ESRRG: variants seen among roughly 807,000 people sequenced by gnomAD.
ESRRG encodes estrogen related receptor gamma, also known as estrogen-related receptor gamma.
ESRRG carries 13 observed loss-of-function variants against 44.0 expected under a neutral mutation model. That is an observed-to-expected ratio of 0.30 (90% CI 0.19 to 0.47). The LOEUF is 0.47. Among genes scored for constraint, ESRRG ranks in the 20% least tolerant of loss-of-function variants. The pLI is 1.00. For synonymous variants in ESRRG, 215 were observed against 214.6 expected, an observed-to-expected ratio of 1.00 and a Z score of -0.02; for missense variants, 395 against 580.6, an observed-to-expected ratio of 0.68 and a Z score of 3.29.
chr1:217,063,690 G>A (rs183789942), intron 1 of ESRRG, among the ~76,000 whole-genome samples: 110 of 152,218 alleles, frequency 7.2e-4, no homozygotes, highest in Non-Finnish European at 1.3e-3. Flanking sequence ...GTGGGAAGAG[G>A]GACCAGCTGA....
At chr1:216,949,107 T>G (rs11117734) in intron 1 of ESRRG, among the ~76,000 whole-genome samples, 103,923 of 151,944 alleles carry the variant, frequency 0.68, 37,576 homozygotes, top group Middle Eastern at 0.82. Flanking sequence ...GCTCTAGAAT[T>G]TATTATGTTT....
intron 2 of ESRRG, among the ~76,000 whole-genome samples, chr1:216,769,788 A>T (rs1040794263): frequency 6.6e-6 from 1 of 152,150 alleles, no homozygotes; most frequent in Non-Finnish European, 1.5e-5. Context: ...TAAACATTGA[A>T]TTTGAAATGC....
chr1:217,010,560 T>A (rs944435229), intron 1 of ESRRG, among the ~76,000 whole-genome samples: 1 of 152,188 alleles, frequency 6.6e-6, no homozygotes, highest in African/African-American at 2.4e-5. Context: ...TCTGTTCAAA[T>A]GAATTCTCCC....
intron 1 of ESRRG, among the ~76,000 whole-genome samples, chr1:217,029,392 C>G (rs1251499220): frequency 2.0e-5 from 3 of 152,176 alleles, no homozygotes; most frequent in Non-Finnish European, 2.9e-5. Flanking sequence ...ACTGAGCAGG[C>G]CCACGGCTGC....
At chr1:216,927,225 C>T (rs2062713399) in intron 2 of ESRRG, among the ~76,000 whole-genome samples, 1 of 152,236 alleles carries the variant, frequency 6.6e-6, no homozygotes, top group African/African-American at 2.4e-5. Flanking sequence ...CTCGATTTTT[C>T]TCTTTTGTAG....
At chr1:216,558,755 C>T (rs2058092463) in intron 5 of ESRRG, among the ~76,000 whole-genome samples, 1 of 152,114 alleles carries the variant, frequency 6.6e-6, no homozygotes, top group Non-Finnish European at 1.5e-5. Context: ...CTTTCAGAAT[C>T]ATTCGACCCT....
chr1:217,117,817 G>C (rs1017123295), intron 1 of ESRRG, among the ~76,000 whole-genome samples: 2 of 151,782 alleles, frequency 1.3e-5, no homozygotes, highest in Non-Finnish European at 2.9e-5. Context: ...AATATTTTTC[G>C]ATACTGTCAT....
chr1:216,788,117 C>G (rs559927740), intron 2 of ESRRG, among the ~76,000 whole-genome samples: 1 of 152,268 alleles, frequency 6.6e-6, no homozygotes, highest in Admixed American at 6.5e-5. Flanking sequence ...GAAGCTGCAG[C>G]AATTTATCCA....
At chr1:216,971,588 G>A (rs1035440817) in intron 1 of ESRRG, among the ~76,000 whole-genome samples, 7 of 152,048 alleles carry the variant, frequency 4.6e-5, no homozygotes, top group Non-Finnish European at 1.0e-4. Flanking sequence ...TCTGTGATTT[G>A]GCACCAGTCA....
chr1:216,652,577 A>G (rs989250125), intron 2 of ESRRG, among the ~76,000 whole-genome samples: 2 of 152,204 alleles, frequency 1.3e-5, no homozygotes, highest in African/African-American at 4.8e-5. Context: ...AATAAAAGCA[A>G]CAACTTTTTA....
chr1:216,983,031 G>GTT (rs9308379), intron 1 of ESRRG, among the ~76,000 whole-genome samples: 19,561 of 132,480 alleles, frequency 0.15, 1,791 homozygotes, highest in Admixed American at 0.26. Flanking sequence ...ACTTTGAACT[G>GTT]TTTTTTTTTT....
intron 1 of ESRRG, among the ~76,000 whole-genome samples, chr1:216,940,727 A>G (rs1455569492): frequency 1.3e-5 from 2 of 152,160 alleles, no homozygotes; most frequent in African/African-American, 2.4e-5. Flanking sequence ...AAATCTATTC[A>G]CTAAAGACAC....
At position 217,051,201 on chromosome 1, in the gene ESRRG, G is replaced by GGGC. The variant is rs1422843171; in HGVS notation, c.-106+38303_-106+38305dup. Among the ~76,000 whole-genome samples, 340 of 114,850 alleles carry GGGC rather than the reference G, an allele frequency of 3.0e-3. 10 individuals carry two copies. The highest frequency in any genetic ancestry group is 9.3e-3 in the African/African-American group (305 of 32,666). The allele number at this position is 114,850 out of a possible 152,430, so 75.3% of individuals were successfully genotyped here. On this transcript the variant is annotated intron_variant, in intron 1 of 7. Transcript: ENST00000359162. ...TAAGAGCAGAAGGAGTGGATAATGGGGGCGGGGGGGGGGGGTGCCAGGGGA... is the reference window on the plus strand; with the variant it reads ...TAAGAGCAGAAGGAGTGGATAATGGGGGCGGCGGGGGGGGGGGGTGCCAGGGGA...
intron 1 of ESRRG, among the ~76,000 whole-genome samples, chr1:216,721,784 C>T (rs2086348491): frequency 6.6e-6 from 1 of 152,138 alleles, no homozygotes; most frequent in Non-Finnish European, 1.5e-5. Context: ...TTCTACAGCC[C>T]GAAGTACACT....
intron 1 of ESRRG, among the ~76,000 whole-genome samples, chr1:216,941,594 T>C (rs911907286): frequency 6.6e-6 from 1 of 152,102 alleles, no homozygotes; most frequent in Non-Finnish European, 1.5e-5. Flanking sequence ...GGGGAGACGG[T>C]GGGGCATTGG....
chr1:216,890,856 C>T (rs2057688885), intron 2 of ESRRG, among the ~76,000 whole-genome samples: 1 of 152,290 alleles, frequency 6.6e-6, no homozygotes, highest in African/African-American at 2.4e-5. Context: ...GCATGTCTCT[C>T]CTATCGCACT....
intron 2 of ESRRG, among the ~76,000 whole-genome samples, chr1:216,673,081 G>T (rs188569849): frequency 1.3e-4 from 20 of 152,088 alleles, no homozygotes; most frequent in African/African-American, 4.1e-4. Context: ...CCTTTTCCTT[G>T]GAGAGCTTTA....
chr1:216,683,029 G>A (rs2077302599), intron 1 of ESRRG, among the ~76,000 whole-genome samples: 1 of 152,160 alleles, frequency 6.6e-6, no homozygotes, highest in Admixed American at 6.5e-5. Context: ...AATCAACGGT[G>A]CAACGTGTGA....
chr1:216,689,935 A>G (rs1424508910), intron 1 of ESRRG, among the ~76,000 whole-genome samples: 1 of 152,130 alleles, frequency 6.6e-6, no homozygotes, highest in Non-Finnish European at 1.5e-5. Flanking sequence ...TTTCACACAC[A>G]TAAGAGAGGC....
Sources: gnomAD v4.1 joint callset for allele counts (sites outside exome capture counted in the v4.1 genomes callset) on GRCh38, gnomAD v4.1.1 for gene constraint, MANE v1.5 for transcripts, NCBI Gene and HGNC (gene_info 2026-07-23, HGNC 2026-07-21) for gene names.